The following ATL1 variants were observed in gnomAD, a reference collection of about 807,000 sequenced individuals.
ATL1 encodes atlastin GTPase 1, also known as atlastin-1.
Under a neutral mutation model 75.5 loss-of-function variants are expected in ATL1, and 31 were observed. The ratio of observed to expected loss-of-function variants is 0.41; its 90% CI spans 0.31 to 0.55. The LOEUF (loss-of-function observed/expected upper bound fraction) is 0.55, where lower values mean the gene tolerates loss of function less well. Ranked by LOEUF, ATL1 falls within the 20% of genes least tolerant of loss-of-function variation. ATL1 has a pLI of 0.27. For missense variants in ATL1, 405 were observed against 662.6 expected (o/e 0.61, Z 4.27); for synonymous variants, 226 against 233.3 (o/e 0.97, Z 0.28).
upstream of ATL1, chr14:50,559,894 T>A: frequency 3.1e-6 from 1 of 323,864 alleles, no homozygotes; most frequent in Non-Finnish European, 6.0e-6. Context: ...GTTTGTGTAT[T>A]TCTGATAACG....
intron 5 of ATL1, among the ~76,000 whole-genome samples, chr14:50,594,530 A>G (rs766532197): frequency 6.6e-6 from 1 of 152,214 alleles, no homozygotes; most frequent in Non-Finnish European, 1.5e-5. Context: ...ATCTAGCCTC[A>G]GGAAAACTAC....
intron 8 of ATL1, among the ~76,000 whole-genome samples, chr14:50,619,561 CT>C (rs1378954855): frequency 6.6e-6 from 1 of 152,192 alleles, no homozygotes; most frequent in Non-Finnish European, 1.5e-5. Flanking sequence ...GTTCAGAAGA[CT>C]TCTCTCGTGA....
At chr14:50,552,776 T>G (rs2038718829) in intron 1 of ATL1, among the ~76,000 whole-genome samples, 1 of 152,138 alleles carries the variant, frequency 6.6e-6, no homozygotes, top group South Asian at 2.1e-4. Flanking sequence ...GGATACCCTA[T>G]TCAATAAATG....
intron 11 of ATL1, among the ~76,000 whole-genome samples, chr14:50,625,726 C>T (rs1231168599): frequency 1.3e-5 from 2 of 151,946 alleles, no homozygotes; most frequent in South Asian, 2.1e-4. Context: ...ATAGAGACCA[C>T]GGTAAAACCC....
intron 1 of ATL1, among the ~76,000 whole-genome samples, chr14:50,562,939 G>A (rs757282673): frequency 4.4e-4 from 67 of 152,262 alleles, no homozygotes; most frequent in Non-Finnish European, 2.6e-4. Context: ...AACAGCAATA[G>A]TAGCCAACAT....
At position 50,623,198 on chromosome 14, in the gene ATL1, T is replaced by C. The variant is rs1289702840; in HGVS notation, c.1069T>C (p.Leu357=). Residue 357 remains leucine, a synonymous_variant, in exon 11 of 14, where the codon TTA becomes CTA. Coordinates refer to ENST00000358385, the MANE Select transcript of ATL1 (RefSeq NM_015915.5). The part of the protein sequence containing the change: ...MLQATAEANN[L]AAVATAKDTY... ...AAAGGCCACAGCAGAAGCTAACAAT[T>C]TAGCAGCCGTGGCAACTGCCAAGGA... 6.2e-7 allele frequency: 1 copy of C among 1,613,956 alleles called. No homozygotes were observed. The highest frequency in any genetic ancestry group is 8.5e-7 in the Non-Finnish European group (1 of 1,179,936).
At chr14:50,550,426 G>GACT (rs2038687881) in intron 1 of ATL1, among the ~76,000 whole-genome samples, 1 of 152,230 alleles carries the variant, frequency 6.6e-6, no homozygotes, top group Non-Finnish European at 1.5e-5. Context: ...ACTAGGCTGT[G>GACT]ACTACAGCAG....
rs532553965 is a variant in ATL1, at chr14:50,632,473, G to A, written c.*134G>A. 7.6e-6 allele frequency: 5 copies of A among 655,650 alleles called. No individual in the cohort carries two copies. In the African/African-American group the frequency reaches 9.1e-5, roughly 12 times the overall value. 40.6% of individuals were successfully genotyped at this position (655,650 alleles called of 1,614,324 possible). A position where few individuals can be genotyped will look rare whatever the true frequency, so the allele number is the denominator to read the frequency against. ...AAACACCTCTGAAGACTGCAAACTGGATTAGTTCTTTTACTTCAGTGTTTA... is the reference window on the plus strand; with the variant it reads ...AAACACCTCTGAAGACTGCAAACTGAATTAGTTCTTTTACTTCAGTGTTTA... On this transcript the variant is annotated 3_prime_UTR_variant, in exon 14 of 14. Transcript: ENST00000358385.
chr14:50,600,803 T>C (rs919515906), intron 6 of ATL1, among the ~76,000 whole-genome samples: 2 of 152,132 alleles, frequency 1.3e-5, no homozygotes, highest in Admixed American at 1.3e-4. Context: ...AATAATTTTA[T>C]ATTAAAATTA....
intron 1 of ATL1, among the ~76,000 whole-genome samples, chr14:50,551,976 A>T (rs1174611834): frequency 6.6e-6 from 1 of 152,186 alleles, no homozygotes; most frequent in East Asian, 1.9e-4. Context: ...CACTTTCACC[A>T]CTTCTACTCA....
At chr14:50,574,950 TA>T (rs2038990951) in intron 1 of ATL1, among the ~76,000 whole-genome samples, 1 of 127,560 alleles carries the variant, frequency 7.8e-6, no homozygotes, top group Non-Finnish European at 1.7e-5. Flanking sequence ...TATATATATA[TA>T]TATATATATA....
chr14:50,568,418 C>A (rs910329932), intron 1 of ATL1, among the ~76,000 whole-genome samples: 9 of 151,912 alleles, frequency 5.9e-5, no homozygotes, highest in African/African-American at 2.2e-4. Context: ...AAAAAAAAAA[C>A]CAGTTCTTTG....
intron 6 of ATL1, among the ~76,000 whole-genome samples, chr14:50,600,269 A>AT (rs1566727094): frequency 6.6e-6 from 1 of 151,962 alleles, no homozygotes. Context: ...AAAAAAAAAA[A>AT]AAGAGTTGAA....
At chr14:50,574,915 G>A (rs1397785320) in intron 1 of ATL1, among the ~76,000 whole-genome samples, 156 of 36,570 alleles carry the variant, frequency 4.3e-3, no homozygotes, top group Middle Eastern at 0.041. Context: ...CTGAGTGTGT[G>A]TGTGTGTGTG....
At chr14:50,539,447 A>G (rs1358403205) in intron 1 of ATL1, among the ~76,000 whole-genome samples, 1 of 152,244 alleles carries the variant, frequency 6.6e-6, no homozygotes, top group Non-Finnish European at 1.5e-5. Context: ...GAAATCCATT[A>G]TCTCTCATAG....
intron 12 of ATL1, among the ~76,000 whole-genome samples, chr14:50,629,074 T>C (rs1368474555): frequency 1.3e-5 from 2 of 152,210 alleles, no homozygotes; most frequent in Non-Finnish European, 2.9e-5. Context: ...ACAGCTTTTA[T>C]TTAGCTAATT....
rs1485587947 is a variant in ATL1, at chr14:50,591,606, A to T, written c.489A>T (p.Val163=). The T allele has an allele frequency of 1.9e-6, 3 of 1,613,570 alleles. No individual in the cohort carries two copies. The African/African-American group carries it at 4.0e-5, about 22-fold the overall frequency. Reference sequence around the variant, plus strand: ...CAACTTTGAGAGATTCAGCCACAGTATTTGCCCTTAGCACAATGATCAGCT... The same window carrying T: ...CAACTTTGAGAGATTCAGCCACAGTTTTTGCCCTTAGCACAATGATCAGCT... ...SQSTLRDSAT[V]FALSTMISSI... Residue 163 remains valine, a synonymous_variant, in exon 4 of 14, where the codon GTA becomes GTT. Coordinates refer to ENST00000358385, the MANE Select transcript of ATL1 (RefSeq NM_015915.5).
At chr14:50,614,980 A>G (rs116262990) in intron 8 of ATL1, among the ~76,000 whole-genome samples, 5 of 152,102 alleles carry the variant, frequency 3.3e-5, no homozygotes, top group African/African-American at 1.2e-4. Flanking sequence ...CTTGTGTGGA[A>G]GAAGAAGAGG....
At chr14:50,581,379 A>C (rs566502769) in intron 1 of ATL1, among the ~76,000 whole-genome samples, 8 of 152,012 alleles carry the variant, frequency 5.3e-5, no homozygotes, top group Non-Finnish European at 1.2e-4. Flanking sequence ...AAAAGGGTCA[A>C]AATAGCCAAG....
Sources: gnomAD v4.1 joint callset for allele counts (sites outside exome capture counted in the v4.1 genomes callset) on GRCh38, gnomAD v4.1.1 for gene constraint, MANE v1.5 for transcripts, NCBI Gene and HGNC (gene_info 2026-07-23, HGNC 2026-07-21) for gene names.